The following SGSM1 variants were observed in gnomAD, a reference collection of about 807,000 sequenced individuals.
SGSM1 encodes small G protein signaling modulator 1.
SGSM1 carries 73 observed loss-of-function variants against 133.8 expected under a neutral mutation model. The observed-to-expected ratio is 0.55, with a 90% CI of 0.45 to 0.66. The LOEUF (loss-of-function observed/expected upper bound fraction) is 0.66, where lower values mean the gene tolerates loss of function less well. Among genes scored for constraint, SGSM1 ranks in the 30% least tolerant of loss-of-function variants. The probability of loss-of-function intolerance (pLI) is 0.00; values close to 1 mark genes in which losing one functional copy is unlikely to be tolerated. For synonymous variants in SGSM1, 563 were observed against 573.0 expected (o/e 0.98, Z 0.25); for missense variants, 1,213 against 1,448.1 (o/e 0.84, Z 2.64).
intron 2 of SGSM1, among the ~76,000 whole-genome samples, chr22:24,816,001 A>C (rs1485866800): frequency 6.6e-6 from 1 of 152,226 alleles, no homozygotes; most frequent in East Asian, 1.9e-4. Context: ...CATAAACATT[A>C]GTTCTATGGG....
In SGSM1 at chr22:24,898,446, A is replaced by G. The variant is rs775314441; in HGVS notation, c.2497A>G (p.Asn833Asp). 1.9e-5 allele frequency: 30 copies of G among 1,613,664 alleles called. No individual in the cohort carries two copies. The highest frequency in any genetic ancestry group is 2.4e-5 in the Non-Finnish European group (28 of 1,179,846). The change falls in exon 19 of 25, where the codon AAC becomes GAC. Residue 833 changes from asparagine (N) to aspartate (D), a missense_variant. Physicochemically the swap from Asn to Asp is conservative, Grantham distance 23. Coordinates refer to ENST00000400358, the MANE Select transcript of SGSM1 (RefSeq NM_001098497.3). ...ACATGGCCAGGCGGACAGTGAGGAC[A>G]ACCTCTCGGAGGAGCCTGAGATGGA... Reference protein sequence around the residue: ...EKHGQADSEDNLSEEPEMESL... With the variant: ...EKHGQADSEDDLSEEPEMESL...
chr22:24,867,307 G>T, intron 10 of SGSM1, 147 bp downstream of exon 10: 1 of 695,450 alleles, frequency 1.4e-6, no homozygotes, highest in Admixed American at 2.1e-5. Flanking sequence ...CGACCTCACC[G>T]CTCTGTGCCT....
intron 2 of SGSM1, among the ~76,000 whole-genome samples, chr22:24,840,146 G>A (rs1929706530): frequency 2.0e-5 from 3 of 151,782 alleles, no homozygotes; most frequent in South Asian, 2.1e-4. Flanking sequence ...GGGTTTCACT[G>A]TGTTAGCCAG....
chr22:24,850,981 GC>G (rs1158616831), intron 5 of SGSM1, among the ~76,000 whole-genome samples: 1 of 151,736 alleles, frequency 6.6e-6, no homozygotes, highest in Non-Finnish European at 1.5e-5. Flanking sequence ...GGTGTCTGTA[GC>G]TCCAGCTACT....
intron 2 of SGSM1, among the ~76,000 whole-genome samples, chr22:24,840,165 C>T (rs570581870): frequency 3.7e-4 from 56 of 151,990 alleles, no homozygotes; most frequent in Admixed American, 7.2e-4. Context: ...AGGATGGTCT[C>T]GATCTCCTGA....
At chr22:24,821,276 A>C (rs2147794202) in intron 2 of SGSM1, among the ~76,000 whole-genome samples, 1 of 152,334 alleles carries the variant, frequency 6.6e-6, no homozygotes, top group African/African-American at 2.4e-5. Context: ...ACCTCAGGTC[A>C]TCCACCCTCC....
intron 15 of SGSM1, among the ~76,000 whole-genome samples, chr22:24,884,638 A>G (rs1488459515): frequency 6.6e-6 from 1 of 152,180 alleles, no homozygotes; most frequent in African/African-American, 2.4e-5. Context: ...AGTACACCTA[A>G]GACTAAAGTG....
chr22:24,850,947 C>A (rs935350427), intron 5 of SGSM1, among the ~76,000 whole-genome samples: 1 of 151,794 alleles, frequency 6.6e-6, no homozygotes, highest in Admixed American at 6.6e-5. Flanking sequence ...AATACAAAAA[C>A]AAAATTAGCC....
At chr22:24,858,178 C>G (rs191833867) in intron 8 of SGSM1, among the ~76,000 whole-genome samples, 1 of 152,124 alleles carries the variant, frequency 6.6e-6, no homozygotes, top group Non-Finnish European at 1.5e-5. Context: ...TGGGGTCTCG[C>G]TATGTTGCCC....
At position 24,905,170 on chromosome 22, in the gene SGSM1, TGG is replaced by T; in HGVS notation, c.2802_2803del (p.Val935HisfsTer4). On this transcript the variant is annotated frameshift_variant, in exon 21 of 25. Coordinates refer to ENST00000400358, the MANE Select transcript of SGSM1 (RefSeq NM_001098497.3). LOFTEE classifies it high-confidence loss of function. ...ATGTGTGATCTTCTGGCTCCACTGC[TGG>T]TCATTCTGGATGATGGTGAGTGTGT... The T allele has an allele frequency of 1.2e-6, 2 of 1,614,000 alleles. No individual in the cohort carries two copies. The highest frequency in any genetic ancestry group is 1.7e-6 in the Non-Finnish European group (2 of 1,179,878).
chr22:24,861,811 A>G (rs546872318), intron 9 of SGSM1, among the ~76,000 whole-genome samples: 37 of 149,124 alleles, frequency 2.5e-4, no homozygotes, highest in Non-Finnish European at 3.9e-4. Flanking sequence ...CCGCCTCTCA[A>G]GGTTATTTTT....
chr22:24,912,909 C>T (rs1181239397), intron 22 of SGSM1, among the ~76,000 whole-genome samples, 157 bp downstream of exon 22: 1 of 151,958 alleles, frequency 6.6e-6, no homozygotes, highest in Non-Finnish European at 1.5e-5. Context: ...CTCTGTGGGC[C>T]TCAGTTTTCT....
intron 9 of SGSM1, among the ~76,000 whole-genome samples, chr22:24,862,261 A>C (rs958902457): frequency 2.0e-5 from 3 of 151,998 alleles, no homozygotes; most frequent in Admixed American, 2.0e-4. Flanking sequence ...CCCAGAGTCT[A>C]GAGTTTCTAA....
intron 2 of SGSM1, among the ~76,000 whole-genome samples, chr22:24,830,920 T>G (rs1601900219): frequency 6.6e-6 from 1 of 152,264 alleles, no homozygotes; most frequent in Non-Finnish European, 1.5e-5. Flanking sequence ...TCTGGCTCAC[T>G]GCACTAAAAG....
chr22:24,811,481 T>C (rs993436294), intron 2 of SGSM1, among the ~76,000 whole-genome samples: 5 of 152,200 alleles, frequency 3.3e-5, no homozygotes, highest in African/African-American at 1.2e-4. Context: ...CCTAGCCATG[T>C]CATTTAGGGG....
At position 24,890,265 on chromosome 22, in the gene SGSM1, T is replaced by A. The variant is rs146834603; in HGVS notation, c.1771-3166T>A. ...GCCACCACGCCCGGACTTAAACGGATTTTTGACTTAAGATATTTTCAACTT... is the reference window on the plus strand; with the variant it reads ...GCCACCACGCCCGGACTTAAACGGAATTTTGACTTAAGATATTTTCAACTT... On this transcript the variant is annotated intron_variant, in intron 16 of 24. Coordinates refer to ENST00000400358, the MANE Select transcript of SGSM1 (RefSeq NM_001098497.3). Among the ~76,000 whole-genome samples, 30 of 152,086 alleles carry A rather than the reference T, an allele frequency of 2.0e-4. No individual in the cohort carries two copies. In the East Asian group the frequency reaches 5.8e-3, roughly 30 times the overall value.
At chr22:24,822,132 C>G (rs1245115152) in intron 2 of SGSM1, among the ~76,000 whole-genome samples, 1 of 130,234 alleles carries the variant, frequency 7.7e-6, no homozygotes, top group African/African-American at 2.8e-5. Context: ...GCTCTGTTGC[C>G]CAGGCTGGAG....
rs561420407 is a variant in SGSM1, at chr22:24,842,050, C to T, written c.64-2847C>T. ...CTCCCTGACAGTCCTCTACCATCTA[C>T]GACTAAGCCTGGACTCACTCCCTCT... On this transcript the variant is annotated intron_variant, in intron 2 of 24. Transcript: ENST00000400358. 2.6e-5 allele frequency among the ~76,000 whole-genome samples: 4 copies of T among 152,332 alleles called. No homozygotes were observed. In the South Asian group the frequency reaches 6.2e-4, roughly 24 times the overall value.
intron 10 of SGSM1, 145 bp from the exon 11 acceptor site, chr22:24,868,231 C>T (rs1356302512): frequency 8.9e-7 from 1 of 1,119,116 alleles, no homozygotes; most frequent in Non-Finnish European, 1.3e-6. Context: ...CTGCTCCTGA[C>T]CTTTGCCCAG....
Sources: gnomAD v4.1 joint callset for allele counts (sites outside exome capture counted in the v4.1 genomes callset) on GRCh38, gnomAD v4.1.1 for gene constraint, MANE v1.5 for transcripts, NCBI Gene and HGNC (gene_info 2026-07-23, HGNC 2026-07-21) for gene names.